Variants in HVCN1 observed in about 807,000 individuals in gnomAD.
HVCN1 encodes voltage-gated hydrogen channel 1.
In HVCN1, 14 loss-of-function variants were observed where a neutral mutation model predicts 29.2. That is an observed-to-expected ratio of 0.48 (90% CI 0.32 to 0.75). The LOEUF (loss-of-function observed/expected upper bound fraction) is 0.75. Ranked by LOEUF, HVCN1 falls within the 30% of genes least tolerant of loss-of-function variation. The probability of loss-of-function intolerance (pLI) is 0.04; values close to 1 mark genes in which losing one functional copy is unlikely to be tolerated. For synonymous variants in HVCN1, 131 were observed against 133.2 expected (o/e 0.98, Z 0.11); for missense variants, 263 against 341.8 (o/e 0.77, Z 1.82).
intron 3 of HVCN1, among the ~76,000 whole-genome samples, chr12:110,669,782 G>A (rs1046569484): frequency 6.6e-6 from 1 of 152,162 alleles, no homozygotes; most frequent in African/African-American, 2.4e-5. Flanking sequence ...GAGGCCGGGC[G>A]CGGTGGCTCA....
At chr12:110,669,871 C>A (rs1158336716) in intron 3 of HVCN1, among the ~76,000 whole-genome samples, 1 of 152,090 alleles carries the variant, frequency 6.6e-6, no homozygotes, top group Non-Finnish European at 1.5e-5. Flanking sequence ...GCCTGACCAA[C>A]AGGGTGAAAC....
At chr12:110,666,377 C>T (rs550773542) in intron 3 of HVCN1, among the ~76,000 whole-genome samples, 155 of 151,348 alleles carry the variant, frequency 1.0e-3, no homozygotes, top group Middle Eastern at 3.5e-3. Context: ...GAGCCGAGAT[C>T]GTGCCACTGC....
At chr12:110,663,381 T>G (rs1428976466) in intron 3 of HVCN1, among the ~76,000 whole-genome samples, 1 of 151,602 alleles carries the variant, frequency 6.6e-6, no homozygotes, top group South Asian at 2.1e-4. Context: ...GGTGGGAGGA[T>G]TGCTTGAGCC....
Position 110,683,239 on chromosome 12 carries a change from T to A in HVCN1, c.7A>T (p.Thr3Ser), listed in dbSNP as rs1593525124. Residue 3 changes from threonine (T) to serine (S), a missense_variant, in exon 3 of 8, where the codon ACC (threonine) becomes TCC (serine). Physicochemically the swap from Thr to Ser is moderately conservative, Grantham distance 58 (BLOSUM62 1). Around this residue, in one of 3 missense-constraint regions of HVCN1, gnomAD observed 157 missense variants for 181.3 expected, o/e 0.87. Coordinates refer to ENST00000242607, the MANE Select transcript of HVCN1 (RefSeq NM_032369.4). The stretch of plus-strand genomic sequence containing the variant: ...GAATCCATTACCTTTTCGTCCCAGG[T>A]GGCCATGTCCCTGTTGCCTCTGGAT... MA[T>S]WDEKAVTRRA... is the part of the protein sequence containing the mutation. 9 of 1,611,912 alleles carry A rather than the reference T, an allele frequency of 5.6e-6. No individual in the cohort carries two copies. The East Asian group carries it at 2.0e-4, about 36-fold the overall frequency.
At position 110,658,022 on chromosome 12, in the gene HVCN1, C is replaced by T. The variant is rs533166759; in HGVS notation, c.307-2684G>A. On this transcript the variant is annotated intron_variant, in intron 4 of 7. Transcript: ENST00000242607. This position sits in a 1 kb window ranked among gnomAD's most constrained non-coding sequence, Gnocchi z 5.0. ...CCCCAGAGCAACAATGGGAGCATGA[C>T]GTGAGTGAAGTATGAAGGGCGCTTA... 2.6e-5 allele frequency among the ~76,000 whole-genome samples: 4 copies of T among 152,244 alleles called. No homozygotes were observed. The highest frequency in any genetic ancestry group is 7.2e-5 in the African/African-American group (3 of 41,532).
At chr12:110,670,180 A>G (rs561800522) in intron 3 of HVCN1, among the ~76,000 whole-genome samples, 8 of 152,354 alleles carry the variant, frequency 5.3e-5, no homozygotes, top group Admixed American at 3.9e-4. Flanking sequence ...AGACAGACCT[A>G]GAAGCGAAGG....
upstream of HVCN1, among the ~76,000 whole-genome samples, chr12:110,692,375 CT>C (rs1245271282): frequency 2.0e-5 from 3 of 152,110 alleles, no homozygotes; most frequent in Non-Finnish European, 4.4e-5. Flanking sequence ...AAGGAACAGC[CT>C]TTGTTCTTAG....
At chr12:110,672,287 A>T (rs1023225241) in intron 3 of HVCN1, among the ~76,000 whole-genome samples, 4 of 152,274 alleles carry the variant, frequency 2.6e-5, no homozygotes, top group African/African-American at 9.6e-5. Context: ...GTTTCTATCA[A>T]CATTTAAAAT....
chr12:110,651,875 G>T (rs1450755954), intron 5 of HVCN1, among the ~76,000 whole-genome samples: 3 of 152,214 alleles, frequency 2.0e-5, no homozygotes, highest in Non-Finnish European at 4.4e-5. Context: ...GGACACACTT[G>T]TTAAAAAGAT....
At chr12:110,680,156 T>C (rs566725154) in intron 3 of HVCN1, among the ~76,000 whole-genome samples, 1 of 152,276 alleles carries the variant, frequency 6.6e-6, no homozygotes, top group South Asian at 2.1e-4. Context: ...AGTAAGAGGC[T>C]TATTTGCCAC....
chr12:110,683,225 CT>C lies in HVCN1; in HGVS notation c.20del (p.Lys7ArgfsTer15). ...GCTGCAAGACCACAGAATCCATTAC[CT>C]TTTCGTCCCAGGTGGCCATGTCCCT... MATWDE[K>X]AVTRRAKVAP... On this transcript the variant is annotated frameshift_variant and splice_region_variant, in exon 3 of 8. Transcript: ENST00000242607. LOFTEE classifies it high-confidence loss of function. The C allele has an allele frequency of 6.2e-7, 1 of 1,612,812 alleles. No individual in the cohort carries two copies. The highest frequency in any genetic ancestry group is 8.5e-7 in the Non-Finnish European group (1 of 1,179,570).
chr12:110,687,265 C>CG (rs1285277226), intron 2 of HVCN1, among the ~76,000 whole-genome samples: 1 of 150,418 alleles, frequency 6.6e-6, no homozygotes, highest in African/African-American at 2.4e-5. Flanking sequence ...ACACCCCCCC[C>CG]CCCCAGCTAA....
At chr12:110,693,338 GT>G (rs2069442397), upstream of HVCN1, among the ~76,000 whole-genome samples, 1 of 152,102 alleles carries the variant, frequency 6.6e-6, no homozygotes, top group Non-Finnish European at 1.5e-5. Flanking sequence ...GAGGTCAGGA[GT>G]TTAAGACCAG....
At chr12:110,683,173 C>T (rs1028641407) in intron 3 of HVCN1, 52 bp downstream of exon 3, 31 of 1,612,812 alleles carry the variant, frequency 1.9e-5, no homozygotes, top group Middle Eastern at 1.6e-4. Flanking sequence ...ACAGAATTAT[C>T]CTCTCAAGGC....
At chr12:110,671,992 T>C (rs1029771156) in intron 3 of HVCN1, among the ~76,000 whole-genome samples, 1 of 152,154 alleles carries the variant, frequency 6.6e-6, no homozygotes, top group Non-Finnish European at 1.5e-5. Context: ...ATGCCAGCTG[T>C]TGGGCATGTA....
intron 2 of HVCN1, among the ~76,000 whole-genome samples, chr12:110,696,522 C>T (rs1335350646): frequency 2.6e-5 from 4 of 151,908 alleles, no homozygotes; most frequent in South Asian, 4.2e-4. Context: ...GGAGACCAGC[C>T]TGGGCAACAT....
In HVCN1 at chr12:110,678,439, CTTTTTTTTTTTTT is replaced by C. The variant is rs538999674; in HGVS notation, c.21+4773_21+4785del. Among the ~76,000 whole-genome samples, 16 of 65,824 alleles carry C rather than the reference CTTTTTTTTTTTTT, an allele frequency of 2.4e-4. No homozygotes were observed. The East Asian group carries it at 3.0e-3, about 12-fold the overall frequency. The allele number at this position is 65,824 out of a possible 152,430, so 43.2% of individuals were successfully genotyped here. The stretch of plus-strand genomic sequence containing the variant: ...TCTTATTTTCCATTTCATTCTATTT[CTTTTTTTTTTTTT>C]TTTTTTTTTTTTTTTTGAGACAGGG... On this transcript the variant is annotated intron_variant, in intron 3 of 7. Transcript: ENST00000242607.
At chr12:110,667,431 G>C (rs2068409898) in intron 3 of HVCN1, among the ~76,000 whole-genome samples, 1 of 150,796 alleles carries the variant, frequency 6.6e-6, no homozygotes, top group South Asian at 2.1e-4. Context: ...ACCGTGCCTG[G>C]CCATAATTCC....
Position 110,661,041 on chromosome 12 carries a change from C to A in HVCN1, c.306+123G>T. ...CAGGGTCCCCGGCACGTGGTAGGTG[C>A]TGGGCAAACACTCGTAGAATGAATG... On this transcript the variant is annotated intron_variant, in intron 4 of 7. Transcript: ENST00000242607. The surrounding 1 kb of genome is among the most constrained non-coding windows in gnomAD (Gnocchi z 6.2). 1.1e-6 allele frequency: 1 copy of A among 932,246 alleles called. No homozygotes were observed. The highest frequency in any genetic ancestry group is 1.7e-6 in the Non-Finnish European group (1 of 601,974). 57.7% of individuals were successfully genotyped at this position (932,246 alleles called of 1,614,324 possible). A position where few individuals can be genotyped will look rare whatever the true frequency, so the allele number is the denominator to read the frequency against.
Sources: gnomAD v4.1 joint callset for allele counts (sites outside exome capture counted in the v4.1 genomes callset) on GRCh38, gnomAD v4.1.1 for gene constraint, gnomAD v4.1.1 regional missense constraint, Gnocchi (gnomAD v3.1) non-coding constraint, MANE v1.5 for transcripts, NCBI Gene and HGNC (gene_info 2026-07-23, HGNC 2026-07-21) for gene names.